FOXL1: variants seen among roughly 807,000 people sequenced by gnomAD.
FOXL1 encodes forkhead box L1.
Under a neutral mutation model 1.7 loss-of-function variants are expected in FOXL1, and 2 were observed. The ratio of observed to expected loss-of-function variants is 1.21; its 90% CI spans 0.49 to 3.80. The LOEUF is 3.80. FOXL1 is among the 30% of genes most tolerant of loss of function. The probability of loss-of-function intolerance (pLI) is 0.07; values close to 1 mark genes in which losing one functional copy is unlikely to be tolerated. For synonymous variants in FOXL1, 280 were observed against 229.3 expected, an observed-to-expected ratio of 1.22 and a Z score of -2.00; for missense variants, 565 against 495.8, an observed-to-expected ratio of 1.14 and a Z score of -1.32.
Position 86,583,314 on chromosome 16 carries a change from G to T in FOXL1, c.*3553G>T, listed in dbSNP as rs1463193824. Among the ~76,000 whole-genome samples, 1 of 151,984 alleles carries T rather than the reference G, an allele frequency of 6.6e-6. No individual in the cohort carries two copies. The highest frequency in any genetic ancestry group is 2.4e-5 in the African/African-American group (1 of 41,358). ...CGTTTCCAGTAACCAGCTGCACCCA[G>T]GAGTGAGAAAATAAGGGGAGAGCCA... On this transcript the variant is annotated 3_prime_UTR_variant, in exon 1 of 1. Transcript: ENST00000320241.
At position 86,579,719 on chromosome 16, in the gene FOXL1, T is replaced by C. The variant is rs907430078; in HGVS notation, c.996T>C (p.Tyr332=). Residue 332 remains tyrosine, a synonymous_variant, in exon 1 of 1, where the codon TAT becomes TAC. Transcript: ENST00000320241. The stretch of plus-strand genomic sequence containing the variant: ...AGCTCGGGATCCCCTTCCTCTCTTA[T>C]TTCCCCCTGCAGGTTCCCGACACGG... ...FYQLGIPFLS[Y]FPLQVPDTVL... is the part of the protein sequence containing the mutation. The C allele has an allele frequency of 6.2e-7, 1 of 1,613,704 alleles. No homozygotes were observed.
Position 86,578,830 on chromosome 16 carries a change from C to A in FOXL1, c.107C>A (p.Ala36Asp). The A allele has an allele frequency of 6.2e-7, 1 of 1,613,708 alleles. No individual in the cohort carries two copies. Among genetic ancestry groups the A allele is most frequent in the Non-Finnish European group, 8.5e-7 (1 of 1,179,964 alleles). ...CTCCCTCTGGCCTTCGCCCCCGCGG[C>A]TGCTCTAGCTGCCTCGGGCCGGGCC... is the stretch of plus-strand genomic sequence containing the variant. ...PGLPLAFAPA[A>D]ALAASGRAET... The change falls in exon 1 of 1, where the codon GCT (alanine) becomes GAT (aspartate). Residue 36 changes from alanine (A) to aspartate (D), a missense_variant. Coordinates refer to ENST00000320241, the MANE Select transcript of FOXL1 (RefSeq NM_005250.3).
rs564524483 is a variant in FOXL1, at chr16:86,581,050, T to G, written c.*1289T>G. ...GGAGGCTGATACTAAATCAAAACCT[T>G]AAAGAGGTGACTGGCAGTCTGGGGA... On this transcript the variant is annotated 3_prime_UTR_variant, in exon 1 of 1. Transcript: ENST00000320241. 11 of 167,040 alleles carry G rather than the reference T, an allele frequency of 6.6e-5. No individual in the cohort carries two copies. Among genetic ancestry groups the G allele is most frequent in the African/African-American group, 2.4e-4 (10 of 41,508 alleles). The allele number at this position is 167,040 out of a possible 1,614,324, so 10.3% of individuals were successfully genotyped here. A position where few individuals can be genotyped will look rare whatever the true frequency, so the allele number is the denominator to read the frequency against.
chr16:86,582,630 T>G lies in FOXL1; in HGVS notation c.*2869T>G, dbSNP rs1232836478. ...ATACATATGTACACGTTTATATATA[T>G]GTATATACATATATATACATGAATG... On this transcript the variant is annotated 3_prime_UTR_variant, in exon 1 of 1. Coordinates refer to ENST00000320241, the MANE Select transcript of FOXL1 (RefSeq NM_005250.3). 6.6e-6 allele frequency among the ~76,000 whole-genome samples: 1 copy of G among 152,134 alleles called. No individual in the cohort carries two copies. Among genetic ancestry groups the G allele is most frequent in the Non-Finnish European group, 1.5e-5 (1 of 68,032 alleles).
Position 86,581,104 on chromosome 16 carries a change from A to G in FOXL1, c.*1343A>G, listed in dbSNP as rs549562290. 1 of 167,066 alleles carries G rather than the reference A, an allele frequency of 6.0e-6. No homozygotes were observed. Among genetic ancestry groups the G allele is most frequent in the Non-Finnish European group, 1.5e-5 (1 of 68,120 alleles). 10.3% of individuals were successfully genotyped at this position (167,066 alleles called of 1,614,324 possible). On this transcript the variant is annotated 3_prime_UTR_variant, in exon 1 of 1. Coordinates refer to ENST00000320241, the MANE Select transcript of FOXL1 (RefSeq NM_005250.3). Reference sequence around the variant, plus strand: ...GAGAAGAGGTCTGCAACGAAAATCTAATTAAGAACATTGAGATGTTCACAA... The same window carrying G: ...GAGAAGAGGTCTGCAACGAAAATCTGATTAAGAACATTGAGATGTTCACAA...
At position 86,580,323 on chromosome 16, in the gene FOXL1, G is replaced by C. The variant is rs558190869; in HGVS notation, c.*562G>C. 1 of 167,572 alleles carries C rather than the reference G, an allele frequency of 6.0e-6. No homozygotes were observed. The highest frequency in any genetic ancestry group is 2.4e-5 in the African/African-American group (1 of 41,604). The allele number at this position is 167,572 out of a possible 1,614,324, so 10.4% of individuals were successfully genotyped here. ...TGCCGGGGGTGACCCCGGGTTTTCA[G>C]GTTTTCTGAGAGATGTAGGGCCCGA... On this transcript the variant is annotated 3_prime_UTR_variant, in exon 1 of 1. Transcript: ENST00000320241.
rs1342202567 is a variant in FOXL1 at position 86,580,007 on chromosome 16, C to G, written c.*246C>G. 1 of 571,212 alleles carries G rather than the reference C, an allele frequency of 1.8e-6. No individual in the cohort carries two copies. The highest frequency in any genetic ancestry group is 1.9e-5 in the African/African-American group (1 of 53,044). The allele number at this position is 571,212 out of a possible 1,614,324, so 35.4% of individuals were successfully genotyped here. ...GATCCCCGCGGGGTCGTGGGCACCG[C>G]ACGTGGGCCCTGCAGGGACCTCCAC... On this transcript the variant is annotated 3_prime_UTR_variant, in exon 1 of 1. Transcript: ENST00000320241.
rs1204885947 is a variant in FOXL1 at position 86,582,477 on chromosome 16, C to G, written c.*2716C>G. 6.6e-6 allele frequency among the ~76,000 whole-genome samples: 1 copy of G among 152,192 alleles called. No individual in the cohort carries two copies. The highest frequency in any genetic ancestry group is 1.5e-5 in the Non-Finnish European group (1 of 68,042). On this transcript the variant is annotated 3_prime_UTR_variant, in exon 1 of 1. Coordinates refer to ENST00000320241, the MANE Select transcript of FOXL1 (RefSeq NM_005250.3). ...TCTCATCTAAACAAAGGGAACAGATCTGTCTTCTGTAAATGATCTTTGGTT... is the reference window on the plus strand; with the variant it reads ...TCTCATCTAAACAAAGGGAACAGATGTGTCTTCTGTAAATGATCTTTGGTT...
Position 86,581,819 on chromosome 16 carries a change from A to C in FOXL1, c.*2058A>C, listed in dbSNP as rs1567575643. On this transcript the variant is annotated 3_prime_UTR_variant, in exon 1 of 1. Coordinates refer to ENST00000320241, the MANE Select transcript of FOXL1 (RefSeq NM_005250.3). ...AGGAGGCTCTGGCTTCTGAGGGGTAAACACACAGATGGAGGGGAAGGAGTG... is the reference window on the plus strand; with the variant it reads ...AGGAGGCTCTGGCTTCTGAGGGGTACACACACAGATGGAGGGGAAGGAGTG... 6.1e-6 allele frequency: 1 copy of C among 164,658 alleles called. No individual in the cohort carries two copies. Among genetic ancestry groups the C allele is most frequent in the Non-Finnish European group, 1.5e-5 (1 of 68,100 alleles). The allele number at this position is 164,658 out of a possible 1,614,324, so 10.2% of individuals were successfully genotyped here.
At position 86,579,430 on chromosome 16, in the gene FOXL1, C is replaced by G. The variant is rs1031414327; in HGVS notation, c.707C>G (p.Thr236Arg). 5.8e-6 allele frequency: 9 copies of G among 1,544,306 alleles called. No individual in the cohort carries two copies. The highest frequency in any genetic ancestry group is 7.9e-6 in the Non-Finnish European group (9 of 1,145,254). Residue 236 changes from threonine to arginine, a missense_variant, in exon 1 of 1, where the codon ACA becomes AGA. Thr to Arg is a moderately conservative substitution (Grantham distance 71). Transcript: ENST00000320241. ...GTGGCGGTCGGCCAGGCAGCGCGCACAGGGGACGGCCCGGGGTCCCCTCTG... is the reference window on the plus strand; with the variant it reads ...GTGGCGGTCGGCCAGGCAGCGCGCAGAGGGGACGGCCCGGGGTCCCCTCTG... ...AAVAVGQAAR[T>R]GDGPGSPLRP...
Position 86,579,556 on chromosome 16 carries a change from G to A in FOXL1, c.833G>A (p.Gly278Glu), listed in dbSNP as rs1170406727. Reference sequence around the variant, plus strand: ...AAGCAGGGCCAGAAGCCGCCTTCAGGGGACGAACTCCTAGGGGGTGCCAAG... The same window carrying A: ...AAGCAGGGCCAGAAGCCGCCTTCAGAGGACGAACTCCTAGGGGGTGCCAAG... ...AGKQGQKPPSGDELLGGAKPG... is the reference protein window; with the variant it reads ...AGKQGQKPPSEDELLGGAKPG... The change falls in exon 1 of 1, where the codon GGG becomes GAG. Residue 278 changes from glycine (G) to glutamate (E), a missense_variant. Physicochemically the swap from Gly to Glu is moderately conservative, Grantham distance 98. Coordinates refer to ENST00000320241, the MANE Select transcript of FOXL1 (RefSeq NM_005250.3). 4.3e-6 allele frequency: 7 copies of A among 1,612,456 alleles called. No homozygotes were observed. Among genetic ancestry groups the A allele is most frequent in the Non-Finnish European group, 5.9e-6 (7 of 1,179,568 alleles).
rs1405993854 is a variant in FOXL1, at chr16:86,578,578, G to C, written c.-146G>C. 4.1e-5 allele frequency: 26 copies of C among 633,910 alleles called. No homozygotes were observed. The highest frequency in any genetic ancestry group is 8.2e-6 in the Non-Finnish European group (3 of 366,566). 39.3% of individuals were successfully genotyped at this position (633,910 alleles called of 1,614,324 possible). A position where few individuals can be genotyped will look rare whatever the true frequency, so the allele number is the denominator to read the frequency against. On this transcript the variant is annotated 5_prime_UTR_variant, in exon 1 of 1. Transcript: ENST00000320241. ...TTTTTAAAGCCATGAAGAAGGGACAGAGCACGGAGCGGCCGGGGAGAGCGG... is the reference window on the plus strand; with the variant it reads ...TTTTTAAAGCCATGAAGAAGGGACACAGCACGGAGCGGCCGGGGAGAGCGG...
chr16:86,579,814 G>C lies in FOXL1; in HGVS notation c.*53G>C, dbSNP rs564421915. 1.3e-6 allele frequency: 2 copies of C among 1,494,838 alleles called. No individual in the cohort carries two copies. Among genetic ancestry groups the C allele is most frequent in the Admixed American group, 1.7e-5 (1 of 57,894 alleles). 92.6% of individuals were successfully genotyped at this position (1,494,838 alleles called of 1,614,324 possible). ...GGCCCAGCCTGAGCCTCCGCTGAGC[G>C]AAAGGCCACAGCTCCCACCGGCGGA... On this transcript the variant is annotated 3_prime_UTR_variant, in exon 1 of 1. Transcript: ENST00000320241.
chr16:86,582,046 A>G lies in FOXL1; in HGVS notation c.*2285A>G, dbSNP rs1974420319. On this transcript the variant is annotated 3_prime_UTR_variant, in exon 1 of 1. Transcript: ENST00000320241. ...CAGTTTTAAAAGGGTCGTATTTTAA[A>G]GTTACTATTCCAAAAAGTATTGTAC... The G allele has an allele frequency of 6.6e-6, 1 of 152,244 alleles. No individual in the cohort carries two copies. Among genetic ancestry groups the G allele is most frequent in the South Asian group, 2.1e-4 (1 of 4,836 alleles). The allele number at this position is 152,244 out of a possible 1,614,324, so 9.4% of individuals were successfully genotyped here.
In FOXL1 at chr16:86,579,264, C is replaced by T; in HGVS notation, c.541C>T (p.Pro181Ser). 1 of 1,349,392 alleles carries T rather than the reference C, an allele frequency of 7.4e-7. No homozygotes were observed. Among genetic ancestry groups the T allele is most frequent in the Non-Finnish European group, 9.5e-7 (1 of 1,052,772 alleles). 83.6% of individuals were successfully genotyped at this position (1,349,392 alleles called of 1,614,324 possible). The change falls in exon 1 of 1, where the codon CCC (proline) becomes TCC (serine). Residue 181 changes from proline to serine, a missense_variant. Transcript: ENST00000320241. The part of the protein sequence containing the change: ...EAGSGAGGSG[P>S]AISRLQAAPA... ...GGGGAGCGGGGCAGGGGGCTCGGGC[C>T]CCGCAATCTCCCGCCTGCAGGCAGC...
Position 86,578,646 on chromosome 16 carries a change from CT to C in FOXL1, c.-76del. 1 of 1,371,764 alleles carries C rather than the reference CT, an allele frequency of 7.3e-7. No individual in the cohort carries two copies. Among genetic ancestry groups the C allele is most frequent in the Non-Finnish European group, 9.8e-7 (1 of 1,019,064 alleles). 85.0% of individuals were successfully genotyped at this position (1,371,764 alleles called of 1,614,324 possible). ...GCACGGCTGGCTCCCCGGGAGGGCC[CT>C]TGCGGCGCGGGGCGCAGTGCCTAGG... On this transcript the variant is annotated 5_prime_UTR_variant, in exon 1 of 1. The change abolishes the stop of an existing upstream ORF in the 5' untranslated region. Coordinates refer to ENST00000320241, the MANE Select transcript of FOXL1 (RefSeq NM_005250.3).
chr16:86,578,733 C>T lies in FOXL1; in HGVS notation c.10C>T (p.Leu4Phe), dbSNP rs1213804387. Residue 4 changes from leucine to phenylalanine, a missense_variant, in exon 1 of 1, where the codon CTC becomes TTC. Coordinates refer to ENST00000320241, the MANE Select transcript of FOXL1 (RefSeq NM_005250.3). Reference protein sequence around the residue: MSHLFDPRLPALAA... With the variant: MSHFFDPRLPALAA... ...CAGGCTCTCGCTTGCCATGAGTCAC[C>T]TCTTCGATCCCCGGCTGCCTGCCCT... 1.2e-6 allele frequency: 2 copies of T among 1,603,184 alleles called. No individual in the cohort carries two copies. Among genetic ancestry groups the T allele is most frequent in the African/African-American group, 1.3e-5 (1 of 74,712 alleles).
chr16:86,581,534 A>G lies in FOXL1; in HGVS notation c.*1773A>G, dbSNP rs1245595916. On this transcript the variant is annotated 3_prime_UTR_variant, in exon 1 of 1. Transcript: ENST00000320241. ...CCAGGCCAGTGGGAAGACTCTGGGA[A>G]ACTTCAGGCCAGCCTTGATTGGAAG... The G allele has an allele frequency of 6.0e-6, 1 of 167,128 alleles. No individual in the cohort carries two copies. Among genetic ancestry groups the G allele is most frequent in the African/African-American group, 2.4e-5 (1 of 41,458 alleles). 10.4% of individuals were successfully genotyped at this position (167,128 alleles called of 1,614,324 possible). A position where few individuals can be genotyped will look rare whatever the true frequency, so the allele number is the denominator to read the frequency against.
Position 86,583,032 on chromosome 16 carries a change from T to C in FOXL1, c.*3271T>C, listed in dbSNP as rs7194142. On this transcript the variant is annotated 3_prime_UTR_variant, in exon 1 of 1. Coordinates refer to ENST00000320241, the MANE Select transcript of FOXL1 (RefSeq NM_005250.3). ...GCCTGGCCTCATCTAGTTGCTGGCT[T>C]TTCTAGAAACAAACGGCCTCCTGGG... is the stretch of plus-strand genomic sequence containing the variant. Among the ~76,000 whole-genome samples the C allele has an allele frequency of 0.3, 44,138 of 147,080 alleles. 7,921 individuals carry two copies. The highest frequency in any genetic ancestry group is 0.51 in the African/African-American group (19,985 of 39,258).
Sources: allele counts gnomAD v4.1 joint callset (sites outside exome capture counted in the v4.1 genomes callset), GRCh38; gene constraint gnomAD v4.1.1; transcripts MANE v1.5; gene names NCBI Gene and HGNC (gene_info 2026-07-23, HGNC 2026-07-21).